MGAT4C: variants seen among roughly 807,000 people sequenced by gnomAD.
MGAT4C encodes the protein alpha-1,3-mannosyl-glycoprotein 4-beta-N-acetylglucosaminyltransferase C.
A neutral mutation model predicts 40.1 loss-of-function variants in MGAT4C; 19 were observed. The ratio of observed to expected loss-of-function variants is 0.47; its 90% CI spans 0.33 to 0.70. The LOEUF (loss-of-function observed/expected upper bound fraction) is 0.70. Among genes scored for constraint, MGAT4C ranks in the 30% least tolerant of loss-of-function variants. The pLI is 0.02. For synonymous variants in MGAT4C, 181 were observed against 187.1 expected (o/e 0.97, Z 0.27); for missense variants, 491 against 563.2 (o/e 0.87, Z 1.30).
chr12:85,980,012 C>A lies in MGAT4C; in HGVS notation c.714G>T (p.Lys238Asn). Reference sequence around the variant, plus strand: ...TTCCTTCTAGGGATGCAATGACTTTCTTGATGGCAGTTAAGAAATTTTTTG... The same window carrying A: ...TTCCTTCTAGGGATGCAATGACTTTATTGATGGCAGTTAAGAAATTTTTTG... ...RCSKNFLTAI[K>N]KVIASLEGTY... is the part of the protein sequence containing the mutation. The change falls in exon 5 of 5, where the codon AAG (lysine) becomes AAT (asparagine). Residue 238 changes from lysine (K) to asparagine (N), a missense_variant. By Grantham distance (94) the Lys-to-Asn change is moderately conservative. Transcript: ENST00000611864. 1 of 1,613,656 alleles carries A rather than the reference C, an allele frequency of 6.2e-7. No individual in the cohort carries two copies. The highest frequency in any genetic ancestry group is 8.5e-7 in the Non-Finnish European group (1 of 1,179,820).
intron 1 of MGAT4C, among the ~76,000 whole-genome samples, chr12:86,777,506 C>CA (rs1384225286): frequency 1.3e-5 from 2 of 152,130 alleles, no homozygotes; most frequent in African/African-American, 2.4e-5. Context: ...TGGCTTGAGT[C>CA]ACCGATGGGT....
intron 2 of MGAT4C, among the ~76,000 whole-genome samples, chr12:86,445,049 A>G (rs1045838906): frequency 5.3e-5 from 8 of 152,202 alleles, no homozygotes; most frequent in African/African-American, 7.2e-5. Context: ...AATTGGTGTG[A>G]GGAATTGCAA....
rs551096862 is a variant in MGAT4C at position 86,815,413 on chromosome 12, C to G, written c.-262+23253G>C. Among the ~76,000 whole-genome samples, 175 of 151,984 alleles carry G rather than the reference C, an allele frequency of 1.2e-3. 4 individuals are homozygous for G. Among genetic ancestry groups the G allele is most frequent in the South Asian group, 1.2e-3 (6 of 4,824 alleles). ...CTGCTGGTGGGAATGTAAACTAATA[C>G]AGCCACTGTGGAAAACAGTGTGGCG... On this transcript the variant is annotated intron_variant, in intron 1 of 7. Coordinates refer to the MGAT4C transcript ENST00000548651.
At chr12:86,416,212 T>A (rs998053203) in intron 3 of MGAT4C, among the ~76,000 whole-genome samples, 1 of 152,062 alleles carries the variant, frequency 6.6e-6, no homozygotes, top group African/African-American at 2.4e-5. Context: ...GTATTTTTTA[T>A]TCAAGTGAAG....
chr12:86,470,139 T>A (rs1957737936), intron 2 of MGAT4C, among the ~76,000 whole-genome samples: 1 of 152,180 alleles, frequency 6.6e-6, no homozygotes, highest in Admixed American at 6.6e-5. Context: ...AGTTAAGGTT[T>A]AGATACTGCT....
chr12:86,803,835 A>G (rs1309611440), intron 1 of MGAT4C, among the ~76,000 whole-genome samples: 2 of 151,134 alleles, frequency 1.3e-5, no homozygotes, highest in African/African-American at 4.9e-5. Context: ...AAACTAGTTC[A>G]ACCATTGTGG....
intron 1 of MGAT4C, among the ~76,000 whole-genome samples, chr12:86,756,645 C>G (rs1951308889): frequency 6.6e-6 from 1 of 152,098 alleles, no homozygotes; most frequent in Admixed American, 6.6e-5. Context: ...AATGACTTCC[C>G]CAGCACAACT....
At chr12:86,008,000 A>C (rs1334153990) in intron 2 of MGAT4C, among the ~76,000 whole-genome samples, 2 of 149,640 alleles carry the variant, frequency 1.3e-5, no homozygotes, top group African/African-American at 2.4e-5. Context: ...ATATGTTTGA[A>C]ATCTCTATTA....
rs568779522 is a variant in MGAT4C at position 86,305,713 on chromosome 12, C to T, written c.-57+28352G>A. 6.0e-5 allele frequency among the ~76,000 whole-genome samples: 9 copies of T among 150,312 alleles called. 1 individual carries two copies. In the East Asian group the frequency reaches 9.8e-4, roughly 16 times the overall value. ...CTATGCATATCCTCCTCTATACTTA[C>T]GTTTATCACTAGATTATTTAGAATA... On this transcript the variant is annotated intron_variant, in intron 4 of 7. Transcript: ENST00000548651.
At chr12:86,125,697 AT>A (rs1311753552) in intron 1 of MGAT4C, among the ~76,000 whole-genome samples, 1 of 152,194 alleles carries the variant, frequency 6.6e-6, no homozygotes, top group Non-Finnish European at 1.5e-5. Flanking sequence ...TTTTGAAAAT[AT>A]AATTGGAGAG....
chr12:86,272,217 T>A, intron 4 of MGAT4C, among the ~76,000 whole-genome samples: 1 of 152,232 alleles, frequency 6.6e-6, no homozygotes, highest in Admixed American at 6.5e-5. Context: ...TTTGTGTAAA[T>A]AAAAAAATTA....
chr12:86,274,717 A>G (rs1054699077), intron 4 of MGAT4C, among the ~76,000 whole-genome samples: 2 of 152,240 alleles, frequency 1.3e-5, no homozygotes, highest in South Asian at 2.1e-4. Context: ...CTCTGTCCAC[A>G]TTATATACCC....
At chr12:86,758,787 T>C (rs1262738506) in intron 1 of MGAT4C, among the ~76,000 whole-genome samples, 1 of 152,086 alleles carries the variant, frequency 6.6e-6, no homozygotes, top group Non-Finnish European at 1.5e-5. Context: ...AACACAAATA[T>C]GGAGTAAAAC....
chr12:86,389,402 C>T lies in MGAT4C; in HGVS notation c.-120+45755G>A, dbSNP rs370289635. Among the ~76,000 whole-genome samples, 39 of 152,226 alleles carry T rather than the reference C, an allele frequency of 2.6e-4. 1 individual carries two copies. In the East Asian group the frequency reaches 6.6e-3, roughly 26 times the overall value. On this transcript the variant is annotated intron_variant, in intron 3 of 7. Coordinates refer to the MGAT4C transcript ENST00000548651. ...TTCTTTTTTATGGCTGCATAGTATTCCATGGTCTATATGTACCACATTTTC... is the reference window on the plus strand; with the variant it reads ...TTCTTTTTTATGGCTGCATAGTATTTCATGGTCTATATGTACCACATTTTC...
intron 1 of MGAT4C, among the ~76,000 whole-genome samples, chr12:86,835,493 A>G (rs1479146209): frequency 2.6e-5 from 4 of 151,922 alleles, no homozygotes; most frequent in African/African-American, 9.7e-5. Flanking sequence ...ATATCACTAG[A>G]TAATCCACGT....
rs888747411 is a variant in MGAT4C, at chr12:86,739,602, C to A, written c.-261-12361G>T. On this transcript the variant is annotated intron_variant, in intron 1 of 7. Transcript: ENST00000548651. ...TCTTATCATTATTCTCTAAACAATA[C>A]AGAATAATAACAATTTACATAGCAT... 3.3e-5 allele frequency among the ~76,000 whole-genome samples: 5 copies of A among 150,856 alleles called. No individual in the cohort carries two copies. In the East Asian group the frequency reaches 9.7e-4, roughly 29 times the overall value.
intron 1 of MGAT4C, among the ~76,000 whole-genome samples, chr12:86,732,462 A>T (rs1461621357): frequency 2.6e-5 from 4 of 152,142 alleles, no homozygotes; most frequent in African/African-American, 9.7e-5. Context: ...GGGAGCCCTG[A>T]GCTTTTTTTC....
chr12:86,540,740 AAGAGAG>A (rs964677938), intron 2 of MGAT4C, among the ~76,000 whole-genome samples: 13 of 150,472 alleles, frequency 8.6e-5, no homozygotes, highest in African/African-American at 1.7e-4. Context: ...CATCTCCAGA[AAGAGAG>A]AGAGAGAGAG....
In MGAT4C at chr12:86,695,688, A is replaced by G. The variant is rs1035746129; in HGVS notation, c.-229+31521T>C. On this transcript the variant is annotated intron_variant, in intron 2 of 7. Coordinates refer to the MGAT4C transcript ENST00000548651. ...CCAGGCACAGAAAGACAAACATCAC[A>G]TGTTCTCACTTATTTGTGGGATCTA... Among the ~76,000 whole-genome samples, 5 of 152,158 alleles carry G rather than the reference A, an allele frequency of 3.3e-5. No individual in the cohort carries two copies. In the South Asian group the frequency reaches 6.2e-4, roughly 19 times the overall value.
Sources: gnomAD v4.1 joint callset for allele counts (sites outside exome capture counted in the v4.1 genomes callset) on GRCh38, gnomAD v4.1.1 for gene constraint, MANE v1.5 for transcripts, NCBI Gene and HGNC (gene_info 2026-07-23, HGNC 2026-07-21) for gene names.